Variants in SNX7 observed in about 807,000 individuals in gnomAD.
SNX7 encodes sorting nexin-7.
A neutral mutation model predicts 48.4 loss-of-function variants in SNX7; 35 were observed. The ratio of observed to expected loss-of-function variants is 0.72; its 90% CI spans 0.55 to 0.96. The LOEUF is 0.96. Ranked by LOEUF, SNX7 falls within the 40% of genes least tolerant of loss-of-function variation. The pLI, the probability that SNX7 is intolerant of heterozygous loss-of-function variation, is 0.00. For synonymous variants in SNX7, 190 were observed against 190.2 expected (o/e 1.00, Z 0.01); for missense variants, 553 against 548.9 (o/e 1.01, Z -0.07).
rs764330196 is a variant in SNX7 at position 98,694,596 on chromosome 1, A to ATTTTTTT, written c.640-899_640-893dup. Among the ~76,000 whole-genome samples the ATTTTTTT allele has an allele frequency of 7.9e-3, 419 of 53,228 alleles. 69 individuals are homozygous for ATTTTTTT. Among genetic ancestry groups the ATTTTTTT allele is most frequent in the African/African-American group, 0.021 (244 of 11,592 alleles). 34.9% of individuals were successfully genotyped at this position (53,228 alleles called of 152,430 possible). The stretch of plus-strand genomic sequence containing the variant: ...TGCTCTACCACTTAATTGCTCTGGG[A>ATTTTTTT]TTTTTTTTTTTTTTTTTTTTTTTTT... On this transcript the variant is annotated intron_variant, in intron 4 of 8. Coordinates refer to ENST00000306121, the MANE Select transcript of SNX7 (RefSeq NM_015976.5).
chr1:98,755,024 CTT>C (rs747122302), intron 8 of SNX7, among the ~76,000 whole-genome samples: 2 of 151,988 alleles, frequency 1.3e-5, no homozygotes, highest in African/African-American at 2.4e-5. Context: ...GTTCAAAACT[CTT>C]TCTGATTTCT....
chr1:98,721,666 A>C (rs1652880590), intron 7 of SNX7, among the ~76,000 whole-genome samples: 1 of 152,118 alleles, frequency 6.6e-6, no homozygotes, highest in South Asian at 2.1e-4. Flanking sequence ...AGTGAGTAAA[A>C]TAAAAATATT....
chr1:98,698,677 G>T (rs1452710873), intron 5 of SNX7, 29 bp from the exon 6 acceptor site: 3 of 1,574,982 alleles, frequency 1.9e-6, no homozygotes, highest in South Asian at 2.3e-5. Flanking sequence ...GTTTATTGAA[G>T]AGCTTATTAA....
chr1:98,685,690 TTTTG>T (rs538902331), intron 2 of SNX7, among the ~76,000 whole-genome samples: 1 of 152,282 alleles, frequency 6.6e-6, no homozygotes, highest in Non-Finnish European at 1.5e-5. Flanking sequence ...CTTTATAATA[TTTTG>T]TTTATGAAGC....
chr1:98,695,372 A>C (rs2100963796), intron 4 of SNX7, 146 bp from the exon 5 acceptor site: 3 of 706,106 alleles, frequency 4.2e-6, no homozygotes, highest in South Asian at 1.9e-5. Flanking sequence ...AATAAAGCTC[A>C]TCTGCTTCAA....
At chr1:98,715,933 G>C (rs1055260503) in intron 7 of SNX7, among the ~76,000 whole-genome samples, 2 of 151,674 alleles carry the variant, frequency 1.3e-5, no homozygotes, top group African/African-American at 4.8e-5. Context: ...ACACACACAC[G>C]TTTTTATATC....
chr1:98,665,945 A>G (rs1488860767), intron 1 of SNX7, among the ~76,000 whole-genome samples: 8 of 152,156 alleles, frequency 5.3e-5, no homozygotes, highest in Non-Finnish European at 2.9e-5. Flanking sequence ...ACATGTATAC[A>G]TATCTTTATA....
rs1218167316 is a variant in SNX7 at position 98,663,387 on chromosome 1, G to C, written c.180+1476G>C. On this transcript the variant is annotated intron_variant, in intron 1 of 8. Transcript: ENST00000306121. ...GGCTTGAGCCACAGTGACTCGGATT[G>C]TTTTAAACTTGTCAAGTGGTTTCTC... Among the ~76,000 whole-genome samples, 5 of 144,340 alleles carry C rather than the reference G, an allele frequency of 3.5e-5. No homozygotes were observed. The South Asian group carries it at 8.9e-4, about 26-fold the overall frequency. The allele number at this position is 144,340 out of a possible 152,430, so 94.7% of individuals were successfully genotyped here.
intron 8 of SNX7, among the ~76,000 whole-genome samples, 172 bp from the exon 9 acceptor site, chr1:98,759,881 GC>G (rs146377934): frequency 1.2e-4 from 18 of 152,138 alleles, no homozygotes; most frequent in African/African-American, 4.1e-4. Flanking sequence ...CTTAGCAGTA[GC>G]ATCCCTCATT....
chr1:98,725,653 G>A (rs1308826184), intron 7 of SNX7, among the ~76,000 whole-genome samples: 2 of 151,996 alleles, frequency 1.3e-5, no homozygotes, highest in African/African-American at 2.4e-5. Flanking sequence ...TTACCAGGAA[G>A]TATATTCTAA....
At chr1:98,703,651 T>A (rs1651866017) in intron 7 of SNX7, among the ~76,000 whole-genome samples, 1 of 151,988 alleles carries the variant, frequency 6.6e-6, no homozygotes, top group African/African-American at 2.4e-5. Flanking sequence ...TTTCTATATA[T>A]AGTTAAGAAA....
chr1:98,691,240 C>A, intron 3 of SNX7, 55 bp downstream of exon 3: 2 of 1,052,774 alleles, frequency 1.9e-6, no homozygotes, highest in South Asian at 1.6e-5. Context: ...TCTAGTGAGT[C>A]TTTTTGAATG....
chr1:98,732,084 T>C (rs1344460923), intron 7 of SNX7, among the ~76,000 whole-genome samples: 1 of 152,112 alleles, frequency 6.6e-6, no homozygotes, highest in African/African-American at 2.4e-5. Context: ...TATCCTAAAG[T>C]CAAAAAATCC....
chr1:98,688,703 A>C (rs28723463), intron 2 of SNX7, among the ~76,000 whole-genome samples: 40,905 of 152,076 alleles, frequency 0.27, 5,710 homozygotes, highest in Non-Finnish European at 0.3. Context: ...CAAATACCCA[A>C]GCTTTTATGG....
rs1317630153 is a variant in SNX7, at chr1:98,663,266, T to G, written c.180+1355T>G. Among the ~76,000 whole-genome samples, 401 of 53,628 alleles carry G rather than the reference T, an allele frequency of 7.5e-3. 14 individuals are homozygous for G. The highest frequency in any genetic ancestry group is 0.019 in the African/African-American group (338 of 17,538). 35.2% of individuals were successfully genotyped at this position (53,628 alleles called of 152,430 possible). A position where few individuals can be genotyped will look rare whatever the true frequency, so the allele number is the denominator to read the frequency against. On this transcript the variant is annotated intron_variant, in intron 1 of 8. Transcript: ENST00000306121. ...GGTTTCTTTCTGGTTTTTTTTTTTT[T>G]TTTTTTTTTTTTTTTTTTTTTTTTT...
At chr1:98,756,579 C>T (rs532683432) in intron 8 of SNX7, among the ~76,000 whole-genome samples, 62 of 151,746 alleles carry the variant, frequency 4.1e-4, no homozygotes, top group Non-Finnish European at 7.8e-4. Context: ...TAATCCTTCC[C>T]GATGGCTTTT....
At chr1:98,670,519 G>A (rs1370762142) in intron 1 of SNX7, among the ~76,000 whole-genome samples, 1 of 152,194 alleles carries the variant, frequency 6.6e-6, no homozygotes, top group Admixed American at 6.5e-5. Flanking sequence ...ATGATGGACT[G>A]CCTAAGATTG....
chr1:98,691,078 T>A lies in SNX7; in HGVS notation c.367T>A (p.Ser123Thr), dbSNP rs35296149. ...FITYRIITKTSRGEFDSSEFE... is the reference protein window; with the variant it reads ...FITYRIITKTTRGEFDSSEFE... ...TATTTTCTCTTACTTTCTTCAGACA[T>A]CTCGTGGGGAATTTGACTCCAGTGA... The change falls in exon 3 of 9, where the codon TCT becomes ACT. Residue 123 changes from serine to threonine, a missense_variant. Physicochemically the swap from Ser to Thr is moderately conservative, Grantham distance 58. Coordinates refer to ENST00000306121, the MANE Select transcript of SNX7 (RefSeq NM_015976.5). 0.027 allele frequency: 43,538 copies of A among 1,600,472 alleles called. 3,594 individuals are homozygous for A. The East Asian group carries it at 0.35, about 13-fold the overall frequency.
intron 5 of SNX7, among the ~76,000 whole-genome samples, chr1:98,696,048 G>A (rs1259363749): frequency 6.6e-6 from 1 of 152,144 alleles, no homozygotes; most frequent in African/African-American, 2.4e-5. Context: ...TCAGGAAATA[G>A]GGTTTTCATA....
Sources: allele counts gnomAD v4.1 joint callset (sites outside exome capture counted in the v4.1 genomes callset), GRCh38; gene constraint gnomAD v4.1.1; transcripts MANE v1.5; gene names NCBI Gene and HGNC (gene_info 2026-07-23, HGNC 2026-07-21).